TMEM131: variants seen among roughly 807,000 people sequenced by gnomAD.
TMEM131 encodes 2610524E03Rik.
Under a neutral mutation model 211.6 loss-of-function variants are expected in TMEM131, and 66 were observed. The observed-to-expected ratio is 0.31, with a 90% CI of 0.26 to 0.38. The LOEUF (loss-of-function observed/expected upper bound fraction) is 0.38, where lower values mean the gene tolerates loss of function less well. Among genes scored for constraint, TMEM131 ranks in the 10% least tolerant of loss-of-function variants. TMEM131 has a pLI of 1.00. For synonymous variants in TMEM131, 844 were observed against 841.3 expected, an observed-to-expected ratio of 1.00 and a Z score of -0.06; for missense variants, 2,036 against 2,299.3, an observed-to-expected ratio of 0.89 and a Z score of 2.34.
chr2:97,908,658 CT>C lies in TMEM131; in HGVS notation c.289del (p.Ser97ValfsTer47). On this transcript the variant is annotated frameshift_variant and splice_region_variant, in exon 3 of 41. Transcript: ENST00000186436. LOFTEE classifies it high-confidence loss of function. ...TLGLSSYQQK[S>X]ISLYRGNCRP... ...TAATTATCTTATTAAATATACTTACCTTTTCTGCTGATATGAACTGAGTCCA... is the reference window on the plus strand; with the variant it reads ...TAATTATCTTATTAAATATACTTACCTTTCTGCTGATATGAACTGAGTCCA... The C allele has an allele frequency of 6.2e-7, 1 of 1,600,816 alleles. No homozygotes were observed. The highest frequency in any genetic ancestry group is 1.1e-5 in the South Asian group (1 of 89,604).
chr2:97,794,006 A>C (rs892107503), intron 29 of TMEM131, among the ~76,000 whole-genome samples: 2 of 149,952 alleles, frequency 1.3e-5, no homozygotes, highest in Non-Finnish European at 3.0e-5. Flanking sequence ...AAAAAAAAAA[A>C]AAAAAAAAAC....
chr2:97,905,648 T>C (rs1676037821), intron 3 of TMEM131, among the ~76,000 whole-genome samples: 1 of 152,224 alleles, frequency 6.6e-6, no homozygotes, highest in Non-Finnish European at 1.5e-5. Flanking sequence ...GTCTAGGTTG[T>C]TCTTAATCCT....
intron 1 of TMEM131, among the ~76,000 whole-genome samples, chr2:97,943,113 G>A (rs1004875349): frequency 2.0e-5 from 3 of 151,440 alleles, no homozygotes; most frequent in Admixed American, 6.6e-5. Flanking sequence ...GCTGGGTGTG[G>A]TGGTGCATGC....
chr2:97,853,813 T>C (rs980421841), intron 5 of TMEM131, among the ~76,000 whole-genome samples: 2 of 152,134 alleles, frequency 1.3e-5, no homozygotes, highest in African/African-American at 4.8e-5. Context: ...AATGAATTTG[T>C]GCAATCCCAT....
At chr2:97,867,795 A>G (rs907861615) in intron 4 of TMEM131, among the ~76,000 whole-genome samples, 4 of 152,218 alleles carry the variant, frequency 2.6e-5, no homozygotes, top group African/African-American at 7.2e-5. Flanking sequence ...CTGCAGTCCC[A>G]GAGTATAAAC....
rs186126915 is a variant in TMEM131, at chr2:97,889,796, G to A, written c.291-1676C>T. Among the ~76,000 whole-genome samples the A allele has an allele frequency of 1.1e-4, 16 of 152,232 alleles. No individual in the cohort carries two copies. In the East Asian group the frequency reaches 3.1e-3, roughly 29 times the overall value. On this transcript the variant is annotated intron_variant, in intron 3 of 40. Coordinates refer to ENST00000186436, the MANE Select transcript of TMEM131 (RefSeq NM_015348.2). ...ATCCATTCAATACAAATGTATGAAT[G>A]TTTACTATATGCCAGTTACCGTCTA...
chr2:97,905,107 A>G (rs1185486606), intron 3 of TMEM131, among the ~76,000 whole-genome samples: 8 of 152,118 alleles, frequency 5.3e-5, no homozygotes, highest in Admixed American at 2.0e-4. Context: ...TTCACCTCAA[A>G]TGGTTAACTA....
intron 3 of TMEM131, 129 bp downstream of exon 3, chr2:97,908,529 C>G: frequency 1.5e-6 from 1 of 646,972 alleles, no homozygotes; most frequent in Non-Finnish European, 2.7e-6. Context: ...TAGAAATAAT[C>G]ATATAATGTG....
chr2:97,827,473 G>A (rs1682457239), intron 11 of TMEM131: 1 of 1,011,346 alleles, frequency 9.9e-7, no homozygotes, highest in African/African-American at 1.6e-5. Flanking sequence ...AGATTTACCT[G>A]CAGAAAATGG....
chr2:97,757,929 G>A (rs1678587909), intron 40 of TMEM131, among the ~76,000 whole-genome samples: 1 of 152,226 alleles, frequency 6.6e-6, no homozygotes, highest in African/African-American at 2.4e-5. Flanking sequence ...TCAGGAGATC[G>A]AGATCATCCT....
Position 97,995,774 on chromosome 2 carries a change from A to C in TMEM131, c.-112T>G. The C allele has an allele frequency of 1.2e-6, 1 of 801,398 alleles. No individual in the cohort carries two copies. Among genetic ancestry groups the C allele is most frequent in the Non-Finnish European group, 1.6e-6 (1 of 628,628 alleles). The allele number at this position is 801,398 out of a possible 1,614,324, so 49.6% of individuals were successfully genotyped here. A position where few individuals can be genotyped will look rare whatever the true frequency, so the allele number is the denominator to read the frequency against. ...TCTGGCCGCGGCGCCGGGAGCGACA[A>C]CGGTTGCGAGCCCGGGGCTCGATCT... On this transcript the variant is annotated 5_prime_UTR_variant, in exon 1 of 41. Transcript: ENST00000186436.
chr2:97,769,460 G>C (rs1679358645), intron 33 of TMEM131, among the ~76,000 whole-genome samples: 1 of 152,156 alleles, frequency 6.6e-6, no homozygotes, highest in South Asian at 2.1e-4. Context: ...GGGGAGGAGA[G>C]AGGCAGAGCT....
In TMEM131 at chr2:97,792,605, G is replaced by T. The variant is rs749936989; in HGVS notation, c.3925C>A (p.Pro1309Thr). The part of the protein sequence containing the change: ...EQHPQPPLPP[P>T]VPQPQEPQPE... ...TGCGGCTCCTGGGGCTGAGGCACTG[G>T]CGGTGGCAGAGGAGGCTGAGGGTGC... is the stretch of plus-strand genomic sequence containing the variant. The change falls in exon 31 of 41, where the codon CCA becomes ACA. Residue 1309 changes from proline (P) to threonine (T), a missense_variant. This residue lies in a region of TMEM131 where 1,623 missense variants were observed against 1,805.9 expected (regional missense o/e 0.90). Coordinates refer to ENST00000186436, the MANE Select transcript of TMEM131 (RefSeq NM_015348.2). The T allele has an allele frequency of 6.2e-7, 1 of 1,613,026 alleles. No homozygotes were observed. The highest frequency in any genetic ancestry group is 8.5e-7 in the Non-Finnish European group (1 of 1,179,452).
At chr2:97,949,231 C>A (rs1052892503) in intron 1 of TMEM131, among the ~76,000 whole-genome samples, 1 of 152,134 alleles carries the variant, frequency 6.6e-6, no homozygotes, top group Non-Finnish European at 1.5e-5. Flanking sequence ...TAAAAATAAT[C>A]ATGCTGAGTG....
chr2:97,785,441 G>A (rs1680201866), intron 31 of TMEM131, among the ~76,000 whole-genome samples: 1 of 152,056 alleles, frequency 6.6e-6, no homozygotes, highest in African/African-American at 2.4e-5. Flanking sequence ...TTATCCATTA[G>A]AAAATAACTG....
In TMEM131 at chr2:97,809,792, T is replaced by C. The variant is rs1325606804; in HGVS notation, c.1969-18A>G. ...GTCAGGATCTGTGAAGTCAAGAAGA[T>C]GATGATAGATAAGTAGTTAAGACTT... On this transcript the variant is annotated intron_variant, in intron 18 of 40. Transcript: ENST00000186436. 2 of 1,572,260 alleles carry C rather than the reference T, an allele frequency of 1.3e-6. No homozygotes were observed. Among genetic ancestry groups the C allele is most frequent in the South Asian group, 1.2e-5 (1 of 86,260 alleles).
intron 30 of TMEM131, 25 bp downstream of exon 30, chr2:97,793,370 A>G (rs1680595184): frequency 6.3e-7 from 1 of 1,596,262 alleles, no homozygotes; most frequent in Non-Finnish European, 8.6e-7. Flanking sequence ...ACACTAGGGA[A>G]TTTATTGCCA....
chr2:97,776,145 C>T (rs1679714565), intron 31 of TMEM131, 127 bp from the exon 32 acceptor site: 1 of 908,594 alleles, frequency 1.1e-6, no homozygotes, highest in Non-Finnish European at 1.6e-6. Flanking sequence ...GCTCCGCCTC[C>T]CGGGTTCACA....
intron 19 of TMEM131, among the ~76,000 whole-genome samples, chr2:97,805,946 C>CA (rs1309279375): frequency 6.6e-6 from 1 of 152,156 alleles, no homozygotes; most frequent in African/African-American, 2.4e-5. Flanking sequence ...AATCTTGTGA[C>CA]AACTGATTGA....
Sources: gnomAD v4.1 joint callset for allele counts (sites outside exome capture counted in the v4.1 genomes callset) on GRCh38, gnomAD v4.1.1 for gene constraint, gnomAD v4.1.1 regional missense constraint, MANE v1.5 for transcripts, NCBI Gene and HGNC (gene_info 2026-07-23, HGNC 2026-07-21) for gene names.